Variants in NXPE4 observed in about 807,000 individuals in gnomAD.
NXPE4 encodes NXPE family member 4.
A neutral mutation model predicts 33.3 loss-of-function variants in NXPE4; 42 were observed. The observed-to-expected ratio is 1.26, with a 90% CI of 0.98 to 1.63. NXPE4 has a LOEUF of 1.63. NXPE4 is among the 40% of genes most tolerant of loss of function. The pLI is 0.00. For synonymous variants in NXPE4, 253 were observed against 234.9 expected (o/e 1.08, Z -0.71); for missense variants, 709 against 647.6 (o/e 1.09, Z -1.03).
the NXPE4 span, among the ~76,000 whole-genome samples, chr11:114,676,617 T>C: frequency 1.3e-5 from 2 of 151,822 alleles, no homozygotes; most frequent in African/African-American, 2.4e-5. Context: ...TAAGTGATGG[T>C]GAGGAGAGGG....
intron 2 of NXPE4, among the ~76,000 whole-genome samples, chr11:114,592,855 C>T (rs945517900): frequency 2.7e-4 from 41 of 152,112 alleles, no homozygotes; most frequent in South Asian, 1.0e-3. Flanking sequence ...GAATAGAGAA[C>T]ACAGAAATGA....
chr11:114,676,853 G>A, the NXPE4 span, among the ~76,000 whole-genome samples: 3 of 151,932 alleles, frequency 2.0e-5, no homozygotes, highest in Admixed American at 6.6e-5. Flanking sequence ...TGGAAACAAC[G>A]TTAAGTATGC....
At chr11:114,633,285 T>C in the NXPE4 span, among the ~76,000 whole-genome samples, 11 of 138,102 alleles carry the variant, frequency 8.0e-5, no homozygotes, top group African/African-American at 5.3e-5. Flanking sequence ...TATGTTATAT[T>C]ATAAAATTCT....
At chr11:114,608,313 A>G in the NXPE4 span, among the ~76,000 whole-genome samples, 1 of 151,812 alleles carries the variant, frequency 6.6e-6, no homozygotes, top group Non-Finnish European at 1.5e-5. Flanking sequence ...CATCATGGGT[A>G]ACCAGTGTTA....
chr11:114,583,952 G>T (rs1193675951), intron 2 of NXPE4: 3 of 390,312 alleles, frequency 7.7e-6, no homozygotes, highest in Non-Finnish European at 1.5e-5. Flanking sequence ...TGGGATTGAT[G>T]ATGAGTCCTA....
At chr11:114,627,749 A>G in the NXPE4 span, among the ~76,000 whole-genome samples, 1 of 152,178 alleles carries the variant, frequency 6.6e-6, no homozygotes, top group Admixed American at 6.6e-5. Flanking sequence ...GTCAAGACCC[A>G]TCAGTGTGCT....
the NXPE4 span, among the ~76,000 whole-genome samples, chr11:114,669,158 C>T: frequency 6.6e-6 from 1 of 152,066 alleles, no homozygotes; most frequent in Non-Finnish European, 1.5e-5. Flanking sequence ...ACCCTCTCCC[C>T]AGTGGAACAA....
chr11:114,571,343 G>A lies in NXPE4; in HGVS notation c.1230C>T (p.Val410=), dbSNP rs1353488233. ...CCCGGGTGAGGTACTCCATCTCTTT[G>A]ACTGAATAGGTCATTGATCCTATCA... The part of the protein sequence containing the change: ...YPLIGSMTYS[V]KEMEYLTRAI... Residue 410 remains valine (V), a synonymous_variant, in exon 6 of 6, where the codon GTC becomes GTT. Transcript: ENST00000375478. The A allele has an allele frequency of 6.2e-7, 1 of 1,613,934 alleles. No homozygotes were observed. Among genetic ancestry groups the A allele is most frequent in the South Asian group, 1.1e-5 (1 of 91,062 alleles).
At chr11:114,648,008 G>GT in the NXPE4 span, among the ~76,000 whole-genome samples, 5 of 151,956 alleles carry the variant, frequency 3.3e-5, no homozygotes, top group Non-Finnish European at 5.9e-5. Flanking sequence ...CCGACTTAAC[G>GT]TTTTTTTAAG....
the NXPE4 span, among the ~76,000 whole-genome samples, chr11:114,605,327 T>A: frequency 6.6e-6 from 1 of 151,958 alleles, no homozygotes; most frequent in Non-Finnish European, 1.5e-5. Flanking sequence ...ACCTGGTGGA[T>A]AATAAGTATT....
the NXPE4 span, among the ~76,000 whole-genome samples, chr11:114,647,645 T>C: frequency 1.3e-5 from 2 of 152,150 alleles, no homozygotes; most frequent in Admixed American, 6.6e-5. Flanking sequence ...TGGTTATTTA[T>C]TCTGATTCTG....
chr11:114,586,913 G>A (rs1949313826), intron 2 of NXPE4, among the ~76,000 whole-genome samples: 1 of 152,114 alleles, frequency 6.6e-6, no homozygotes, highest in Non-Finnish European at 1.5e-5. Context: ...TAGCTCATGG[G>A]ATTGCCGTTT....
At chr11:114,639,558 A>G in the NXPE4 span, among the ~76,000 whole-genome samples, 4 of 151,132 alleles carry the variant, frequency 2.6e-5, no homozygotes, top group South Asian at 2.1e-4. Context: ...TGTCTTCTGC[A>G]TCGCTCAGGC....
At chr11:114,636,690 A>G in the NXPE4 span, among the ~76,000 whole-genome samples, 2 of 152,040 alleles carry the variant, frequency 1.3e-5, no homozygotes, top group Non-Finnish European at 2.9e-5. Context: ...TTCAAAGAAC[A>G]TCTTTATTTC....
At chr11:114,666,425 CAATTT>C in the NXPE4 span, among the ~76,000 whole-genome samples, 4 of 152,032 alleles carry the variant, frequency 2.6e-5, no homozygotes, top group Non-Finnish European at 4.4e-5. Context: ...AAAATCAATT[CAATTT>C]GATTATTACT....
the NXPE4 span, among the ~76,000 whole-genome samples, chr11:114,653,128 A>C: frequency 6.6e-6 from 1 of 152,238 alleles, no homozygotes; most frequent in African/African-American, 2.4e-5. Flanking sequence ...AGCATAAATA[A>C]CAATACTGAC....
At chr11:114,576,584 A>T (rs1243763369) in intron 5 of NXPE4, among the ~76,000 whole-genome samples, 1 of 152,152 alleles carries the variant, frequency 6.6e-6, no homozygotes, top group African/African-American at 2.4e-5. Flanking sequence ...TGGTGAACAA[A>T]CATATGGAAA....
At chr11:114,573,491 T>C (rs1355464252) in intron 5 of NXPE4, among the ~76,000 whole-genome samples, 3 of 151,714 alleles carry the variant, frequency 2.0e-5, no homozygotes, top group Admixed American at 6.6e-5. Flanking sequence ...ACATAAGAAC[T>C]CACATAAACT....
At chr11:114,585,312 T>A (rs1436047506) in intron 2 of NXPE4, among the ~76,000 whole-genome samples, 1 of 151,976 alleles carries the variant, frequency 6.6e-6, no homozygotes, top group Non-Finnish European at 1.5e-5. Context: ...ATTTCATTAC[T>A]CCCTACCCCA....
Sources: allele counts gnomAD v4.1 joint callset (sites outside exome capture counted in the v4.1 genomes callset), GRCh38; gene constraint gnomAD v4.1.1; transcripts MANE v1.5; gene names NCBI Gene and HGNC (gene_info 2026-07-23, HGNC 2026-07-21).